Variants in MAML3 observed in about 807,000 individuals in gnomAD.
The protein encoded by MAML3 is mastermind like transcriptional coactivator 3.
A neutral mutation model predicts 101.9 loss-of-function variants in MAML3; 27 were observed. That is an observed-to-expected ratio of 0.27 (90% CI 0.20 to 0.37). The LOEUF (loss-of-function observed/expected upper bound fraction) is 0.37. Among genes scored for constraint, MAML3 ranks in the 10% least tolerant of loss-of-function variants. The pLI is 1.00. For synonymous variants in MAML3, 501 were observed against 555.9 expected (o/e 0.90, Z 1.39); for missense variants, 1,316 against 1,444.9 (o/e 0.91, Z 1.45).
intron 1 of MAML3, among the ~76,000 whole-genome samples, chr4:140,077,534 C>G (rs539619709): frequency 9.2e-4 from 140 of 152,298 alleles, no homozygotes; most frequent in Non-Finnish European, 4.9e-4. Flanking sequence ...AGTTCTGTGA[C>G]CACTAAACCA....
chr4:140,070,573 C>A (rs1270024525), intron 1 of MAML3, among the ~76,000 whole-genome samples: 1 of 152,072 alleles, frequency 6.6e-6, no homozygotes. Context: ...CAACTGACAC[C>A]CAAGAACCGA....
intron 1 of MAML3, among the ~76,000 whole-genome samples, chr4:140,021,691 CT>C (rs1475496171): frequency 5.9e-5 from 9 of 151,974 alleles, no homozygotes; most frequent in African/African-American, 1.9e-4. Context: ...AATCTCATTT[CT>C]TTCTTCTTTC....
chr4:139,870,483 C>G (rs750965312), intron 2 of MAML3, among the ~76,000 whole-genome samples: 1 of 152,122 alleles, frequency 6.6e-6, no homozygotes, highest in Non-Finnish European at 1.5e-5. Context: ...TATTTTTAAG[C>G]CTTGAAATGA....
chr4:139,870,076 G>C (rs762659238), intron 2 of MAML3, among the ~76,000 whole-genome samples: 4 of 152,216 alleles, frequency 2.6e-5, no homozygotes, highest in Non-Finnish European at 5.9e-5. Flanking sequence ...CATGTCAAGG[G>C]CTTAGTACAG....
intron 1 of MAML3, among the ~76,000 whole-genome samples, chr4:140,116,514 A>C (rs1157251795): frequency 1.3e-5 from 2 of 152,308 alleles, no homozygotes; most frequent in South Asian, 2.1e-4. Flanking sequence ...AGAAATACAA[A>C]AGAGAACACA....
At chr4:140,073,141 C>CTTT (rs565407589) in intron 1 of MAML3, among the ~76,000 whole-genome samples, 1 of 141,726 alleles carries the variant, frequency 7.1e-6, no homozygotes. Flanking sequence ...TCCATGTTTT[C>CTTT]TTTTTTTTTT....
rs778884987 is a variant in MAML3 at position 139,720,015 on chromosome 4, C to T, written c.2725G>A (p.Val909Ile). The T allele has an allele frequency of 5.0e-6, 8 of 1,614,100 alleles. No homozygotes were observed. In the South Asian group the frequency reaches 8.8e-5, roughly 18 times the overall value. ...TGACCAAAGCCACTCACCATTCCAACCCCCTGCCCAGAGGCAGGTTGCCTC... is the reference window on the plus strand; with the variant it reads ...TGACCAAAGCCACTCACCATTCCAATCCCCTGCCCAGAGGCAGGTTGCCTC... ...GPRQPASGQG[V>I]GMVSGFGQSM... Residue 909 changes from valine to isoleucine, a missense_variant, in exon 5 of 5, where the codon GTT (valine) becomes ATT (isoleucine). Val to Ile is a conservative substitution (Grantham distance 29, BLOSUM62 3). Coordinates refer to ENST00000509479, the MANE Select transcript of MAML3 (RefSeq NM_018717.5).
intron 2 of MAML3, among the ~76,000 whole-genome samples, chr4:139,865,579 C>T (rs1373294016): frequency 6.7e-6 from 1 of 148,298 alleles, no homozygotes; most frequent in Non-Finnish European, 1.5e-5. Context: ...AGGTTCTGGG[C>T]TTCTCCCTTC....
At chr4:139,891,523 C>T (rs1240112445) in intron 1 of MAML3, among the ~76,000 whole-genome samples, 2 of 152,176 alleles carry the variant, frequency 1.3e-5, no homozygotes, top group African/African-American at 4.8e-5. Context: ...AGTGATCAGC[C>T]TGCCTCAGCC....
chr4:140,005,510 G>A (rs755248122), intron 1 of MAML3, among the ~76,000 whole-genome samples: 1 of 152,222 alleles, frequency 6.6e-6, no homozygotes, highest in Non-Finnish European at 1.5e-5. Context: ...ATGATGACAG[G>A]AATAGGGCTT....
At chr4:139,869,381 GT>G (rs5862440) in intron 2 of MAML3, among the ~76,000 whole-genome samples, 116,231 of 152,018 alleles carry the variant, frequency 0.76, 44,594 homozygotes, top group African/African-American at 0.8. Flanking sequence ...TAAAATTTTT[GT>G]TTTTAATATG....
intron 2 of MAML3, among the ~76,000 whole-genome samples, chr4:139,764,196 C>T (rs1488078897): frequency 1.3e-5 from 2 of 152,202 alleles, no homozygotes; most frequent in Admixed American, 6.5e-5. Context: ...ATCTGTAGTC[C>T]TGCTGACAAG....
Position 140,153,374 on chromosome 4 carries a change from C to T in MAML3, c.-47G>A. 1.3e-6 allele frequency: 2 copies of T among 1,508,614 alleles called. No homozygotes were observed. Among genetic ancestry groups the T allele is most frequent in the Non-Finnish European group, 1.8e-6 (2 of 1,129,402 alleles). The allele number at this position is 1,508,614 out of a possible 1,614,324, so 93.5% of individuals were successfully genotyped here. A position where few individuals can be genotyped will look rare whatever the true frequency, so the allele number is the denominator to read the frequency against. ...TTTGGAAGAACTTTTTTTATCCACC[C>T]CCCTATCAGCCTCCTCCTTGGGTCC... On this transcript the variant is annotated 5_prime_UTR_variant, in exon 1 of 5. Coordinates refer to ENST00000509479, the MANE Select transcript of MAML3 (RefSeq NM_018717.5).
intron 1 of MAML3, among the ~76,000 whole-genome samples, chr4:140,060,658 C>T (rs1727432497): frequency 6.6e-6 from 1 of 151,962 alleles, no homozygotes; most frequent in Non-Finnish European, 1.5e-5. Context: ...GTGTCAGATC[C>T]TTTATTAATG....
chr4:139,728,387 A>C (rs1728563873), intron 3 of MAML3, among the ~76,000 whole-genome samples: 1 of 152,224 alleles, frequency 6.6e-6, no homozygotes, highest in African/African-American at 2.4e-5. Flanking sequence ...GCCACGTGAC[A>C]GGCCCCCACA....
intron 1 of MAML3, among the ~76,000 whole-genome samples, chr4:139,980,429 T>C (rs1734424764): frequency 6.6e-6 from 1 of 152,146 alleles, no homozygotes; most frequent in South Asian, 2.1e-4. Context: ...GGCTAAGACA[T>C]CATCTCCCTA....
chr4:139,895,786 G>A (rs1308731115), intron 1 of MAML3, among the ~76,000 whole-genome samples: 1 of 152,154 alleles, frequency 6.6e-6, no homozygotes, highest in East Asian at 1.9e-4. Context: ...CTAGATTGTA[G>A]AACAGCAGAG....
chr4:139,835,262 C>G (rs1366205110), intron 2 of MAML3, among the ~76,000 whole-genome samples: 1 of 152,266 alleles, frequency 6.6e-6, no homozygotes, highest in Admixed American at 6.5e-5. Flanking sequence ...CATGTTTATA[C>G]TTCTGTCCCA....
chr4:140,103,033 G>T (rs534715236), intron 1 of MAML3, among the ~76,000 whole-genome samples: 3 of 152,246 alleles, frequency 2.0e-5, no homozygotes, highest in African/African-American at 7.2e-5. Context: ...CCCATAATTT[G>T]GGCTTTGTTG....
Sources: gnomAD v4.1 joint callset for allele counts (sites outside exome capture counted in the v4.1 genomes callset) on GRCh38, gnomAD v4.1.1 for gene constraint, MANE v1.5 for transcripts, NCBI Gene and HGNC (gene_info 2026-07-23, HGNC 2026-07-21) for gene names.